DNAH10: variants seen among roughly 807,000 people sequenced by gnomAD.
The protein encoded by DNAH10 is dynein axonemal heavy chain 10.
In DNAH10, 348 loss-of-function variants were observed where a neutral mutation model predicts 506.6. The ratio of observed to expected loss-of-function variants is 0.69; its 90% CI spans 0.63 to 0.75. DNAH10 has a LOEUF of 0.75. Ranked by LOEUF, DNAH10 falls within the 30% of genes least tolerant of loss-of-function variation. The probability of loss-of-function intolerance (pLI) is 0.00; values close to 1 mark genes in which losing one functional copy is unlikely to be tolerated. For missense variants in DNAH10, 5,179 were observed against 5,787.1 expected (o/e 0.89, Z 3.41); for synonymous variants, 2,059 against 2,198.6 (o/e 0.94, Z 1.78).
chr12:123,906,948 C>T (rs34587940), intron 57 of DNAH10, among the ~76,000 whole-genome samples: 28,669 of 152,172 alleles, frequency 0.19, 2,764 homozygotes, highest in East Asian at 0.27. Context: ...ACTATAAAAG[C>T]CTCCCTTTGT....
At chr12:123,804,286 G>A (rs1175888394) in intron 17 of DNAH10, among the ~76,000 whole-genome samples, 1 of 152,172 alleles carries the variant, frequency 6.6e-6, no homozygotes, top group African/African-American at 2.4e-5. Flanking sequence ...AGCACTTTGG[G>A]AGGCTGAGGC....
intron 54 of DNAH10, among the ~76,000 whole-genome samples, chr12:123,897,286 T>C (rs1163239511): frequency 1.3e-5 from 2 of 152,220 alleles, no homozygotes; most frequent in Non-Finnish European, 2.9e-5. Context: ...TTGCTTATTG[T>C]GATAGTCTAC....
At chr12:123,781,899 C>G (rs1323397806) in intron 6 of DNAH10, among the ~76,000 whole-genome samples, 1 of 151,760 alleles carries the variant, frequency 6.6e-6, no homozygotes, top group African/African-American at 2.4e-5. Context: ...CTGGTTATCC[C>G]TAGTGTTTTG....
chr12:123,834,214 A>G (rs1013028165), intron 27 of DNAH10, among the ~76,000 whole-genome samples: 9 of 152,166 alleles, frequency 5.9e-5, no homozygotes, highest in African/African-American at 1.7e-4. Flanking sequence ...TGAGTAAAAA[A>G]CAATTTTTTT....
chr12:123,923,390 T>G (rs1316677804), intron 65 of DNAH10: 1 of 161,356 alleles, frequency 6.2e-6, no homozygotes, highest in Non-Finnish European at 1.3e-5. Context: ...CCAACACCTC[T>G]TCTAGACTCT....
chr12:123,860,968 CATT>C (rs1209861566), intron 38 of DNAH10, 41 bp from the exon 39 acceptor site: 1 of 1,613,052 alleles, frequency 6.2e-7, no homozygotes, highest in African/African-American at 1.3e-5. Flanking sequence ...TTTCCTCATG[CATT>C]TAGTTGTCTT....
intron 14 of DNAH10, among the ~76,000 whole-genome samples, chr12:123,799,623 A>G (rs1958410658): frequency 6.6e-6 from 1 of 152,180 alleles, no homozygotes; most frequent in Non-Finnish European, 1.5e-5. Context: ...CCGTTTCCCC[A>G]TTTATGAAAT....
chr12:123,820,711 G>C lies in DNAH10; in HGVS notation c.4132G>C (p.Glu1378Gln), dbSNP rs142727450. The change falls in exon 24 of 79, where the codon GAA becomes CAA. Residue 1378 changes from glutamate to glutamine, a missense_variant. Coordinates refer to ENST00000673944, the MANE Select transcript of DNAH10 (RefSeq NM_001372106.1). ...CCCAGAGCTGCTGAAAGTGCAGAAG[G>C]AAATGAGTGGGCTGAGGATGATTTA... The part of the protein sequence containing the change: ...MYPELLKVQK[E>Q]MSGLRMIYEL... The C allele has an allele frequency of 1.6e-5, 26 of 1,613,968 alleles. No individual in the cohort carries two copies. The highest frequency in any genetic ancestry group is 3.3e-4 in the Middle Eastern group (2 of 6,062).
rs916347395 is a variant in DNAH10 at position 123,826,624 on chromosome 12, G to A, written c.4180-63G>A. 8.2e-6 allele frequency: 12 copies of A among 1,458,666 alleles called. No individual in the cohort carries two copies. In the African/African-American group the frequency reaches 1.7e-4, roughly 20 times the overall value. The allele number at this position is 1,458,666 out of a possible 1,614,324, so 90.4% of individuals were successfully genotyped here. ...GAACGTGACTAAGAGTCAAGAACTTGCTCTCCTTGTTGCATTTCCAAAGGG... is the reference window on the plus strand; with the variant it reads ...GAACGTGACTAAGAGTCAAGAACTTACTCTCCTTGTTGCATTTCCAAAGGG... On this transcript the variant is annotated intron_variant, in intron 24 of 78. Transcript: ENST00000673944.
intron 25 of DNAH10, among the ~76,000 whole-genome samples, chr12:123,829,328 A>G (rs979335593): frequency 6.6e-6 from 1 of 151,970 alleles, no homozygotes; most frequent in Non-Finnish European, 1.5e-5. Context: ...TTGGCCTTCC[A>G]ACGTCAAAAA....
intron 5 of DNAH10, among the ~76,000 whole-genome samples, chr12:123,778,464 G>A (rs2136006231): frequency 6.6e-6 from 1 of 152,280 alleles, no homozygotes; most frequent in South Asian, 2.1e-4. Flanking sequence ...GGAGGCCAAG[G>A]TGGATGGATC....
At position 123,803,813 on chromosome 12, in the gene DNAH10, G is replaced by A. The variant is rs1403384685; in HGVS notation, c.2767G>A (p.Glu923Lys). 1 of 1,611,268 alleles carries A rather than the reference G, an allele frequency of 6.2e-7. No homozygotes were observed. Among genetic ancestry groups the A allele is most frequent in the African/African-American group, 1.3e-5 (1 of 74,778 alleles). ...TAAATATCCAGCCGCTAAAAGTGAG[G>A]AAGAACTCCCAGGTAGATCTGACTT... ...LFKYPAAKSE[E>K]ELPGVKEFFE... The change falls in exon 17 of 79, where the codon GAA becomes AAA. Residue 923 changes from glutamate (E) to lysine (K), a missense_variant. Physicochemically the swap from Glu to Lys is moderately conservative, Grantham distance 56. Coordinates refer to ENST00000673944, the MANE Select transcript of DNAH10 (RefSeq NM_001372106.1).
chr12:123,861,166 C>T lies in DNAH10; in HGVS notation c.6904C>T (p.Arg2302Ter), dbSNP rs758993112. ...CAACAAGCCAACAGACAAGAAGGAG[C>T]GAAAGTGAGTATCTTTGTAGGTAGG... is the stretch of plus-strand genomic sequence containing the variant. ...EINKPTDKKERKYILFDGDVD... is the reference protein window; with the variant it reads ...EINKPTDKKE Residue 2302 changes from arginine to a stop codon, truncating the protein, a stop_gained, in exon 39 of 79, where the codon CGA becomes TGA. Coordinates refer to ENST00000673944, the MANE Select transcript of DNAH10 (RefSeq NM_001372106.1). LOFTEE classifies it high-confidence loss of function. 8.7e-6 allele frequency: 14 copies of T among 1,613,352 alleles called. No individual in the cohort carries two copies. Among genetic ancestry groups the T allele is most frequent in the East Asian group, 6.7e-5 (3 of 44,890 alleles).
chr12:123,847,985 GC>G lies in DNAH10; in HGVS notation c.5844del (p.Ala1949ProfsTer66), dbSNP rs758282425. ...TQALSMYLGG[A>X]PAGPAGTGKT... ...GGCGCTGTCCATGTATCTAGGTGGG[GC>G]CCCCGCCGGCCCAGCAGGAACCGGC... On this transcript the variant is annotated frameshift_variant, in exon 33 of 79. Coordinates refer to ENST00000673944, the MANE Select transcript of DNAH10 (RefSeq NM_001372106.1). LOFTEE classifies it high-confidence loss of function. 1.2e-6 allele frequency: 2 copies of G among 1,613,082 alleles called. No individual in the cohort carries two copies. Among genetic ancestry groups the G allele is most frequent in the African/African-American group, 2.7e-5 (2 of 74,882 alleles).
chr12:123,775,216 C>T (rs543605908), intron 5 of DNAH10, among the ~76,000 whole-genome samples: 1 of 152,168 alleles, frequency 6.6e-6, no homozygotes, highest in African/African-American at 2.4e-5. Context: ...TCAAGTGATC[C>T]TTCTGCCTCA....
Position 123,850,962 on chromosome 12 carries a change from C to T in DNAH10, c.6177C>T (p.Arg2059=). ...FITMNPGYAG[R]TELPESVKAL... ...CCATGAACCCCGGCTACGCAGGCCG[C>T]ACGGAGCTGCCCGAGTCGGTGAAGG... Residue 2059 remains arginine, a synonymous_variant, in exon 35 of 79, where the codon CGC becomes CGT. Transcript: ENST00000673944. This position sits in a 1 kb window ranked among gnomAD's most constrained non-coding sequence, Gnocchi z 5.5. 1.9e-6 allele frequency: 3 copies of T among 1,614,092 alleles called. No individual in the cohort carries two copies. The highest frequency in any genetic ancestry group is 2.5e-6 in the Non-Finnish European group (3 of 1,179,966).
intron 3 of DNAH10, among the ~76,000 whole-genome samples, chr12:123,771,970 A>G (rs1256642376): frequency 1.3e-5 from 2 of 152,270 alleles, no homozygotes; most frequent in African/African-American, 4.8e-5. Context: ...GACAGAGACC[A>G]GCAGAAAATA....
intron 35 of DNAH10, among the ~76,000 whole-genome samples, 184 bp downstream of exon 35, chr12:123,851,260 C>T (rs190318147): frequency 2.4e-4 from 33 of 137,680 alleles, no homozygotes; most frequent in South Asian, 6.6e-4. Flanking sequence ...CTCTTCCAGA[C>T]GGGACCTAGG....
intron 38 of DNAH10, 97 bp from the exon 39 acceptor site, chr12:123,860,915 A>T: frequency 6.5e-7 from 1 of 1,540,560 alleles, no homozygotes; most frequent in Non-Finnish European, 8.9e-7. Flanking sequence ...ATTTTGGATT[A>T]AAGTCAAAAC....
Sources: allele counts gnomAD v4.1 joint callset (sites outside exome capture counted in the v4.1 genomes callset), GRCh38; gene constraint gnomAD v4.1.1; non-coding constraint Gnocchi (gnomAD v3.1); transcripts MANE v1.5; gene names NCBI Gene and HGNC (gene_info 2026-07-23, HGNC 2026-07-21).